ADAMTSL1: variants seen among roughly 807,000 people sequenced by gnomAD.
ADAMTSL1 encodes ADAMTS-like protein 1.
ADAMTSL1 carries 126 observed loss-of-function variants against 201.8 expected under a neutral mutation model. The ratio of observed to expected loss-of-function variants is 0.62; its 90% CI spans 0.54 to 0.72. The LOEUF (loss-of-function observed/expected upper bound fraction) is 0.72. Among genes scored for constraint, ADAMTSL1 ranks in the 30% least tolerant of loss-of-function variants. ADAMTSL1 has a pLI of 0.00. For synonymous variants in ADAMTSL1, 1,121 were observed against 903.4 expected (o/e 1.24, Z -4.32); for missense variants, 2,679 against 2,277.8 (o/e 1.18, Z -3.59).
chr9:18,335,964 G>C lies in ADAMTSL1; in HGVS notation c.208-168865G>C, dbSNP rs556299653. On this transcript the variant is annotated intron_variant, in intron 2 of 29. Transcript: ENST00000680146. ...GGCTATATTCTACAATTTTACAGGAGAGAATAATTAACCTAGCATTATGGG... is the reference window on the plus strand; with the variant it reads ...GGCTATATTCTACAATTTTACAGGACAGAATAATTAACCTAGCATTATGGG... Among the ~76,000 whole-genome samples the C allele has an allele frequency of 5.9e-5, 9 of 152,224 alleles. No homozygotes were observed. The East Asian group carries it at 9.7e-4, about 16-fold the overall frequency.
intron 1 of ADAMTSL1, among the ~76,000 whole-genome samples, chr9:18,486,474 C>T (rs1821999727): frequency 6.6e-6 from 1 of 152,182 alleles, no homozygotes; most frequent in Admixed American, 6.5e-5. Flanking sequence ...GAGGCCAAGG[C>T]AGGAGGATCG....
chr9:17,975,406 T>A (rs1008961103), intron 1 of ADAMTSL1, among the ~76,000 whole-genome samples: 6 of 152,040 alleles, frequency 3.9e-5, no homozygotes, highest in Non-Finnish European at 7.4e-5. Flanking sequence ...GAGAGCTCGA[T>A]CTCTGATTCA....
At chr9:18,123,622 A>T (rs1825600925) in intron 1 of ADAMTSL1, among the ~76,000 whole-genome samples, 1 of 152,190 alleles carries the variant, frequency 6.6e-6, no homozygotes, top group African/African-American at 2.4e-5. Context: ...TATAATTTAC[A>T]TATCATAAGA....
chr9:18,721,700 G>A lies in ADAMTSL1; in HGVS notation c.2006+35G>A, dbSNP rs144582836. On this transcript the variant is annotated intron_variant, in intron 15 of 28. Transcript: ENST00000380548. ...GTGTGGCCTGCCCTGCTGTCCAGGG[G>A]CACGTACAGAACTGGGCGCATCTTT... The A allele has an allele frequency of 2.8e-5, 45 of 1,609,968 alleles. No individual in the cohort carries two copies. The African/African-American group carries it at 4.3e-4, about 15-fold the overall frequency.
intron 2 of ADAMTSL1, among the ~76,000 whole-genome samples, chr9:18,418,144 T>A (rs533354133): frequency 2.6e-4 from 40 of 152,310 alleles, no homozygotes; most frequent in Middle Eastern, 6.8e-3. Flanking sequence ...AACTCAATAT[T>A]TATTCATGAT....
chr9:18,251,762 G>A lies in ADAMTSL1; in HGVS notation c.207+87781G>A, dbSNP rs996017580. 2.0e-4 allele frequency among the ~76,000 whole-genome samples: 31 copies of A among 152,082 alleles called. 1 individual carries two copies. The highest frequency in any genetic ancestry group is 7.0e-4 in the African/African-American group (29 of 41,388). On this transcript the variant is annotated intron_variant, in intron 2 of 29. Transcript: ENST00000680146. ...AAACCAAACAGGATAGAGCTGGCAC[G>A]GGCACAGAGAAAGATATTGGTGCAA...
intron 7 of ADAMTSL1, among the ~76,000 whole-genome samples, chr9:18,643,891 G>A (rs1424523668): frequency 2.0e-5 from 3 of 151,718 alleles, no homozygotes; most frequent in Non-Finnish European, 4.4e-5. Flanking sequence ...TTGAATTTTA[G>A]GGTTTTTTTT....
chr9:18,271,584 A>G (rs1251036934), intron 2 of ADAMTSL1, among the ~76,000 whole-genome samples: 4 of 152,164 alleles, frequency 2.6e-5, no homozygotes, highest in Non-Finnish European at 5.9e-5. Context: ...ATTGTTGGAC[A>G]TTTGAGTTGG....
chr9:18,104,853 T>C (rs887496759), intron 1 of ADAMTSL1, among the ~76,000 whole-genome samples: 2 of 152,206 alleles, frequency 1.3e-5, no homozygotes, highest in African/African-American at 4.8e-5. Context: ...AGGCTTTCTT[T>C]ATCTTACCTG....
chr9:18,189,004 A>G (rs948901584), intron 2 of ADAMTSL1, among the ~76,000 whole-genome samples: 7 of 152,220 alleles, frequency 4.6e-5, no homozygotes, highest in African/African-American at 1.7e-4. Context: ...TTATCGCTGT[A>G]CAGGTTCCCA....
intron 14 of ADAMTSL1, among the ~76,000 whole-genome samples, chr9:18,712,710 C>G (rs889737172): frequency 4.9e-4 from 74 of 151,756 alleles, no homozygotes; most frequent in Non-Finnish European, 3.8e-4. Flanking sequence ...CCCAATTTAG[C>G]AAGGCAGGCC....
chr9:18,654,884 G>A (rs1407524789), intron 7 of ADAMTSL1, among the ~76,000 whole-genome samples: 1 of 152,252 alleles, frequency 6.6e-6, no homozygotes, highest in Non-Finnish European at 1.5e-5. Context: ...TCTGAGAGCA[G>A]TGTGACCAAG....
intron 6 of ADAMTSL1, among the ~76,000 whole-genome samples, chr9:18,638,671 T>C (rs1587764566): frequency 1.3e-5 from 2 of 152,174 alleles, no homozygotes; most frequent in African/African-American, 4.8e-5. Context: ...CTGAACTAAG[T>C]ATCAAAATGG....
At position 18,178,092 on chromosome 9, in the gene ADAMTSL1, T is replaced by G. The variant is rs553058558; in HGVS notation, c.207+14111T>G. On this transcript the variant is annotated intron_variant, in intron 2 of 29. Coordinates refer to the ADAMTSL1 transcript ENST00000680146. ...ATGAGCGACGCAGAAGAAGGGTGAT[T>G]TCTGCATTTCCATCTGAGGTAGCGG... Among the ~76,000 whole-genome samples the G allele has an allele frequency of 3.3e-5, 5 of 152,272 alleles. No individual in the cohort carries two copies. The East Asian group carries it at 9.7e-4, about 30-fold the overall frequency.
intron 2 of ADAMTSL1, among the ~76,000 whole-genome samples, chr9:18,169,765 T>C (rs1320138840): frequency 6.6e-6 from 1 of 152,168 alleles, no homozygotes; most frequent in Non-Finnish European, 1.5e-5. Context: ...GAGCATGGAA[T>C]GTTCTTCCAT....
At chr9:18,849,106 T>A (rs1286319914) in intron 23 of ADAMTSL1, among the ~76,000 whole-genome samples, 2 of 152,246 alleles carry the variant, frequency 1.3e-5, no homozygotes, top group Non-Finnish European at 2.9e-5. Flanking sequence ...CTTATATTAT[T>A]GGACATATTT....
intron 2 of ADAMTSL1, among the ~76,000 whole-genome samples, chr9:18,307,797 A>G (rs762671406): frequency 6.6e-6 from 1 of 152,072 alleles, no homozygotes; most frequent in Non-Finnish European, 1.5e-5. Flanking sequence ...GAGACAGAAA[A>G]TTAACAAGGA....
At chr9:18,442,749 A>G (rs1169580742) in intron 2 of ADAMTSL1, among the ~76,000 whole-genome samples, 1 of 152,208 alleles carries the variant, frequency 6.6e-6, no homozygotes, top group African/African-American at 2.4e-5. Context: ...TTTTAAGAAG[A>G]CGGAGCTCCT....
intron 2 of ADAMTSL1, among the ~76,000 whole-genome samples, chr9:18,170,062 C>A (rs1827821913): frequency 6.6e-6 from 1 of 151,928 alleles, no homozygotes; most frequent in Non-Finnish European, 1.5e-5. Flanking sequence ...GAACATCCTA[C>A]ATAGTTTGTA....
Sources: allele counts gnomAD v4.1 joint callset (sites outside exome capture counted in the v4.1 genomes callset), GRCh38; gene constraint gnomAD v4.1.1; transcripts MANE v1.5; gene names NCBI Gene and HGNC (gene_info 2026-07-23, HGNC 2026-07-21).